The following MAGI1 variants were observed in gnomAD, a reference collection of about 807,000 sequenced individuals.
The protein encoded by MAGI1 is membrane-associated guanylate kinase, WW and PDZ domain-containing protein 1.
MAGI1 carries 58 observed loss-of-function variants against 139.9 expected under a neutral mutation model. The ratio of observed to expected loss-of-function variants is 0.41; its 90% confidence interval spans 0.34 to 0.52. The LOEUF is 0.52. MAGI1 is among the 20% of genes least tolerant of loss of function. MAGI1 has a pLI of 0.12. For synonymous variants in MAGI1, 812 were observed against 737.9 expected (o/e 1.10, Z -1.63); for missense variants, 1,874 against 1,901.6 (o/e 0.99, Z 0.27).
intron 1 of MAGI1, among the ~76,000 whole-genome samples, chr3:66,002,310 T>C (rs1400641038): frequency 6.6e-6 from 1 of 152,178 alleles, no homozygotes; most frequent in African/African-American, 2.4e-5. Context: ...GAGGTACCAA[T>C]TTTAATCACT....
At chr3:65,698,457 A>G (rs1218417476) in intron 1 of MAGI1, among the ~76,000 whole-genome samples, 2 of 149,978 alleles carry the variant, frequency 1.3e-5, no homozygotes, top group Admixed American at 6.6e-5. Flanking sequence ...GAGGCATCAC[A>G]CTACCTGACT....
At chr3:65,815,626 T>C (rs1575593099) in intron 1 of MAGI1, among the ~76,000 whole-genome samples, 1 of 152,216 alleles carries the variant, frequency 6.6e-6, no homozygotes, top group African/African-American at 2.4e-5. Flanking sequence ...AATAGCATAT[T>C]CTATACTATT....
intron 12 of MAGI1, among the ~76,000 whole-genome samples, chr3:65,409,788 T>C (rs1378872284): frequency 1.3e-5 from 2 of 152,204 alleles, no homozygotes; most frequent in Non-Finnish European, 1.5e-5. Context: ...TTAATAATGG[T>C]CATTATGAAG....
intron 1 of MAGI1, among the ~76,000 whole-genome samples, chr3:65,791,858 G>C (rs2039797051): frequency 6.6e-6 from 1 of 152,098 alleles, no homozygotes; most frequent in Non-Finnish European, 1.5e-5. Flanking sequence ...AGGACAGTCT[G>C]AGCTGGGACC....
chr3:65,933,668 G>A (rs2062909686), intron 1 of MAGI1, among the ~76,000 whole-genome samples: 1 of 152,152 alleles, frequency 6.6e-6, no homozygotes, highest in Admixed American at 6.5e-5. Flanking sequence ...GGTCTTGGAG[G>A]CTAGCTACAA....
At chr3:65,375,409 G>C (rs368617601) in intron 18 of MAGI1, among the ~76,000 whole-genome samples, 1 of 151,464 alleles carries the variant, frequency 6.6e-6, no homozygotes, top group South Asian at 2.1e-4. Flanking sequence ...GGATGGTCTC[G>C]ATCTCCTGAC....
chr3:65,903,149 C>T (rs1045228508), intron 1 of MAGI1, among the ~76,000 whole-genome samples: 1 of 152,162 alleles, frequency 6.6e-6, no homozygotes, highest in Non-Finnish European at 1.5e-5. Context: ...CACACACCAA[C>T]ACTCCCAGCC....
chr3:65,364,284 G>A (rs1941189775), intron 20 of MAGI1, among the ~76,000 whole-genome samples: 1 of 151,600 alleles, frequency 6.6e-6, no homozygotes, highest in Non-Finnish European at 1.5e-5. Flanking sequence ...CTGAGGACAG[G>A]CATTTTGCTC....
chr3:65,752,633 G>A (rs1392914570), intron 1 of MAGI1, among the ~76,000 whole-genome samples: 1 of 152,188 alleles, frequency 6.6e-6, no homozygotes, highest in African/African-American at 2.4e-5. Flanking sequence ...AGGCCTTGAT[G>A]TGTGTTCACA....
intron 1 of MAGI1, among the ~76,000 whole-genome samples, chr3:65,658,009 T>C (rs1023057608): frequency 2.0e-5 from 3 of 152,204 alleles, no homozygotes; most frequent in African/African-American, 7.2e-5. Context: ...AATGAATCAC[T>C]AAGTGTGCAC....
intron 5 of MAGI1, among the ~76,000 whole-genome samples, chr3:65,459,178 G>A (rs1373337253): frequency 1.3e-5 from 2 of 152,180 alleles, no homozygotes; most frequent in East Asian, 3.9e-4. Flanking sequence ...TTTTATGCCA[G>A]TACTGTGCTG....
intron 2 of MAGI1, among the ~76,000 whole-genome samples, chr3:65,540,861 G>C (rs560422157): frequency 6.6e-6 from 1 of 152,334 alleles, no homozygotes; most frequent in South Asian, 2.1e-4. Flanking sequence ...TGCTGTGAGA[G>C]AGGAAGGAAG....
intron 1 of MAGI1, among the ~76,000 whole-genome samples, chr3:65,709,501 AAAATATTT>A (rs1440340009): frequency 3.3e-5 from 5 of 152,222 alleles, no homozygotes; most frequent in Admixed American, 3.3e-4. Flanking sequence ...ATTGGAGGAT[AAAATATTT>A]AAACCTCTTT....
At chr3:65,933,079 T>C (rs969515107) in intron 1 of MAGI1, among the ~76,000 whole-genome samples, 2 of 152,248 alleles carry the variant, frequency 1.3e-5, no homozygotes, top group Admixed American at 6.5e-5. Flanking sequence ...TTTCAATAAG[T>C]ATTTTGTTTA....
At chr3:65,573,567 T>C (rs2081051970) in intron 2 of MAGI1, among the ~76,000 whole-genome samples, 1 of 151,802 alleles carries the variant, frequency 6.6e-6, no homozygotes, top group African/African-American at 2.4e-5. Context: ...CTCCTGGTAA[T>C]CTATAAATGG....
chr3:65,767,856 T>A lies in MAGI1; in HGVS notation c.314-145768A>T, dbSNP rs142041371. On this transcript the variant is annotated intron_variant, in intron 1 of 22. Coordinates refer to ENST00000402939, the MANE Select transcript of MAGI1 (RefSeq NM_001033057.2). ...TTTAACCCTTACAGGAAAAGCAATC[T>A]GATGTAGCTTAATGTAAACCAAGCC... is the stretch of plus-strand genomic sequence containing the variant. Among the ~76,000 whole-genome samples the A allele has an allele frequency of 5.9e-5, 9 of 152,352 alleles. No individual in the cohort carries two copies. The East Asian group carries it at 1.7e-3, about 29-fold the overall frequency.
At chr3:65,693,352 T>C (rs1208418846) in intron 1 of MAGI1, among the ~76,000 whole-genome samples, 1 of 152,182 alleles carries the variant, frequency 6.6e-6, no homozygotes, top group Non-Finnish European at 1.5e-5. Context: ...TTGAAAACTT[T>C]CCTAAGATCA....
Position 65,357,044 on chromosome 3 carries a change from T to A in MAGI1, c.3723A>T (p.Ser1241=), listed in dbSNP as rs752888572. The change falls in exon 23 of 23, where the codon TCA becomes TCT. Residue 1241 remains serine, a synonymous_variant. Coordinates refer to ENST00000402939, the MANE Select transcript of MAGI1 (RefSeq NM_001033057.2). ...GATCGGGTGGGTAACTGGACTCCAA[T>A]GACGGATGCTGCCGGCGGTCGGGCC... ...RAGPDRRQHP[S]LESSYPPDLH... 1.4e-5 allele frequency: 22 copies of A among 1,613,952 alleles called. No homozygotes were observed. The African/African-American group carries it at 2.3e-4, about 17-fold the overall frequency.
intron 1 of MAGI1, among the ~76,000 whole-genome samples, chr3:65,891,725 T>C (rs1388265033): frequency 2.4e-5 from 2 of 83,752 alleles, no homozygotes; most frequent in African/African-American, 9.2e-5. Flanking sequence ...ACCCCTGTTG[T>C]CTGGGGCCTG....
Sources: gnomAD v4.1 joint callset for allele counts (sites outside exome capture counted in the v4.1 genomes callset) on GRCh38, gnomAD v4.1.1 for gene constraint, MANE v1.5 for transcripts, NCBI Gene and HGNC (gene_info 2026-07-23, HGNC 2026-07-21) for gene names.